The following PRKN variants were observed in gnomAD, a reference collection of about 807,000 sequenced individuals.
PRKN encodes the protein E3 ubiquitin-protein ligase parkin.
PRKN carries 56 observed loss-of-function variants against 59.5 expected under a neutral mutation model. The ratio of observed to expected loss-of-function variants is 0.94; its 90% CI spans 0.76 to 1.18. The LOEUF (loss-of-function observed/expected upper bound fraction) is 1.18. Ranked by LOEUF, PRKN falls within the 50% of genes most tolerant of loss-of-function variation. The pLI is 0.00. For synonymous variants in PRKN, 250 were observed against 222.1 expected, an observed-to-expected ratio of 1.13 and a Z score of -1.12; for missense variants, 657 against 596.4, an observed-to-expected ratio of 1.10 and a Z score of -1.06.
At chr6:161,664,634 T>A (rs890288100) in intron 7 of PRKN, among the ~76,000 whole-genome samples, 3 of 152,222 alleles carry the variant, frequency 2.0e-5, no homozygotes, top group African/African-American at 7.2e-5. Flanking sequence ...ATATGCTGGC[T>A]TGTCTATAAA....
intron 3 of PRKN, among the ~76,000 whole-genome samples, chr6:162,238,608 G>T (rs767719131): frequency 1.5e-4 from 23 of 152,296 alleles, no homozygotes; most frequent in Non-Finnish European, 2.5e-4. Flanking sequence ...GAGTTAAGTG[G>T]CCTTCTATGA....
At chr6:161,848,269 G>A (rs1793281935) in intron 6 of PRKN, among the ~76,000 whole-genome samples, 1 of 151,990 alleles carries the variant, frequency 6.6e-6, no homozygotes, top group African/African-American at 2.4e-5. Flanking sequence ...TGTAGGATTA[G>A]TTCTCATTGA....
At chr6:161,951,988 C>T (rs1562413974) in intron 6 of PRKN, among the ~76,000 whole-genome samples, 3 of 150,432 alleles carry the variant, frequency 2.0e-5, no homozygotes, top group Non-Finnish European at 4.4e-5. Context: ...CAAACACAAA[C>T]ACAAGCCCAT....
chr6:162,678,170 T>C (rs1480450522), intron 1 of PRKN, among the ~76,000 whole-genome samples: 2 of 152,280 alleles, frequency 1.3e-5, no homozygotes, highest in Admixed American at 1.3e-4. Context: ...TTCCATTGTA[T>C]AGTATACACC....
At chr6:162,092,748 T>TA (rs1402206519) in intron 4 of PRKN, among the ~76,000 whole-genome samples, 1 of 152,204 alleles carries the variant, frequency 6.6e-6, no homozygotes, top group Non-Finnish European at 1.5e-5. Flanking sequence ...AGCTACCTCA[T>TA]AGATTCTAAA....
chr6:161,731,255 T>C (rs1411676981), intron 7 of PRKN, among the ~76,000 whole-genome samples: 1 of 152,242 alleles, frequency 6.6e-6, no homozygotes, highest in African/African-American at 2.4e-5. Context: ...GACCCATCCA[T>C]GGGTGTGAAG....
chr6:161,777,147 TC>T (rs745577547), intron 7 of PRKN, among the ~76,000 whole-genome samples: 1 of 152,156 alleles, frequency 6.6e-6, no homozygotes, highest in Non-Finnish European at 1.5e-5. Flanking sequence ...ACAACATCCA[TC>T]CTAATAGGGT....
intron 7 of PRKN, among the ~76,000 whole-genome samples, chr6:161,650,159 T>C (rs1049817929): frequency 1.3e-5 from 2 of 152,176 alleles, no homozygotes; most frequent in South Asian, 2.1e-4. Flanking sequence ...CCAGCTCCTA[T>C]GTTCTGCTTA....
At position 162,705,565 on chromosome 6, in the gene PRKN, A is replaced by T. The variant is rs182653974; in HGVS notation, c.7+22097T>A. 4.6e-5 allele frequency among the ~76,000 whole-genome samples: 7 copies of T among 152,326 alleles called. No individual in the cohort carries two copies. In the East Asian group the frequency reaches 9.6e-4, roughly 21 times the overall value. On this transcript the variant is annotated intron_variant, in intron 1 of 11. Transcript: ENST00000366898. ...GAGATTTGGAGGACAGCCATCAGTC[A>T]TGGAAAGACATCAAACACTGCATGA...
At chr6:161,828,928 T>A (rs1176082966) in intron 6 of PRKN, among the ~76,000 whole-genome samples, 23 of 112,066 alleles carry the variant, frequency 2.1e-4, no homozygotes, top group African/African-American at 5.7e-4. Context: ...AGACTCCATC[T>A]CAAAAAAAAA....
intron 1 of PRKN, among the ~76,000 whole-genome samples, chr6:162,511,733 T>C (rs1777627074): frequency 6.6e-6 from 1 of 152,100 alleles, no homozygotes; most frequent in Non-Finnish European, 1.5e-5. Flanking sequence ...GTATTAAGAC[T>C]CCAAATTGGC....
intron 7 of PRKN, among the ~76,000 whole-genome samples, chr6:161,745,942 A>T (rs1436432495): frequency 6.6e-6 from 1 of 152,170 alleles, no homozygotes; most frequent in Non-Finnish European, 1.5e-5. Context: ...TGCTCAGAGG[A>T]TCCTGGGTGA....
chr6:161,464,729 G>T (rs371236363), intron 9 of PRKN, among the ~76,000 whole-genome samples: 1 of 152,294 alleles, frequency 6.6e-6, no homozygotes. Context: ...ATTAAATAAT[G>T]CCTTGAAGGG....
chr6:162,552,743 T>C (rs993264895), intron 1 of PRKN, among the ~76,000 whole-genome samples: 1 of 152,034 alleles, frequency 6.6e-6, no homozygotes, highest in African/African-American at 2.4e-5. Flanking sequence ...ATAGATGGTT[T>C]CTAAAGCCAT....
chr6:162,257,816 T>C (rs775240963), intron 3 of PRKN, among the ~76,000 whole-genome samples: 1 of 152,128 alleles, frequency 6.6e-6, no homozygotes, highest in Non-Finnish European at 1.5e-5. Context: ...CCTTTCCTCC[T>C]GCAGTTCCTT....
At chr6:162,156,943 C>T (rs1207565910) in intron 4 of PRKN, among the ~76,000 whole-genome samples, 1 of 152,038 alleles carries the variant, frequency 6.6e-6, no homozygotes, top group Non-Finnish European at 1.5e-5. Context: ...GCACTCAGGT[C>T]ATCTCAAGCA....
chr6:162,239,623 A>G (rs543308689), intron 3 of PRKN, among the ~76,000 whole-genome samples: 1 of 152,122 alleles, frequency 6.6e-6, no homozygotes, highest in Non-Finnish European at 1.5e-5. Context: ...GAAAGAACCC[A>G]GAACAAATGG....
chr6:161,557,636 A>G (rs913246945), intron 8 of PRKN, among the ~76,000 whole-genome samples: 1 of 152,200 alleles, frequency 6.6e-6, no homozygotes. Flanking sequence ...CTTCACTCTG[A>G]TGCTTAATTT....
intron 7 of PRKN, among the ~76,000 whole-genome samples, chr6:161,624,809 G>A (rs1353223487): frequency 6.6e-6 from 1 of 152,238 alleles, no homozygotes; most frequent in Non-Finnish European, 1.5e-5. Context: ...CTAAAGGAAT[G>A]ATGCTGCTAC....
Sources: gnomAD v4.1 joint callset for allele counts (sites outside exome capture counted in the v4.1 genomes callset) on GRCh38, gnomAD v4.1.1 for gene constraint, MANE v1.5 for transcripts, NCBI Gene and HGNC (gene_info 2026-07-23, HGNC 2026-07-21) for gene names.